Variants in GPC6 observed in about 807,000 individuals in gnomAD.
GPC6 encodes glypican 6, also known as glypican-6.
In GPC6, 14 loss-of-function variants were observed where a neutral mutation model predicts 55.2. That is an observed-to-expected ratio of 0.25 (90% confidence interval 0.17 to 0.40). The LOEUF (loss-of-function observed/expected upper bound fraction) is 0.40, where lower values mean the gene tolerates loss of function less well. Among genes scored for constraint, GPC6 ranks in the 10% least tolerant of loss-of-function variants. The pLI is 1.00. For synonymous variants in GPC6, 278 were observed against 259.6 expected (o/e 1.07, Z -0.68); for missense variants, 641 against 708.5 (o/e 0.90, Z 1.08).
intron 4 of GPC6, among the ~76,000 whole-genome samples, chr13:94,080,068 A>C (rs1363130702): frequency 6.6e-6 from 1 of 152,222 alleles, no homozygotes; most frequent in Non-Finnish European, 1.5e-5. Context: ...TAATGCAATT[A>C]TTTACAAGAA....
intron 1 of GPC6, among the ~76,000 whole-genome samples, chr13:93,358,945 A>G (rs1880947713): frequency 6.7e-6 from 1 of 149,948 alleles, no homozygotes; most frequent in South Asian, 2.1e-4. Context: ...TCAAATGCAG[A>G]TAGAAATGTA....
At chr13:93,744,611 A>G (rs1884330140) in intron 2 of GPC6, among the ~76,000 whole-genome samples, 1 of 137,800 alleles carries the variant, frequency 7.3e-6, no homozygotes, top group Non-Finnish European at 1.5e-5. Context: ...TTGTCACCTC[A>G]TCTGACATCA....
chr13:93,808,442 C>G (rs1886601308), intron 2 of GPC6, among the ~76,000 whole-genome samples: 1 of 152,132 alleles, frequency 6.6e-6, no homozygotes, highest in Non-Finnish European at 1.5e-5. Flanking sequence ...ATAATAACTC[C>G]TCTCTCTATA....
intron 4 of GPC6, among the ~76,000 whole-genome samples, chr13:94,283,479 C>G (rs1892445663): frequency 6.6e-6 from 1 of 152,338 alleles, no homozygotes; most frequent in East Asian, 1.9e-4. Flanking sequence ...AGTAGAGGGC[C>G]TTGGCCCAGA....
intron 2 of GPC6, among the ~76,000 whole-genome samples, chr13:93,649,319 G>C (rs1880307489): frequency 6.6e-6 from 1 of 152,078 alleles, no homozygotes; most frequent in South Asian, 2.1e-4. Context: ...TGGTCTGGTG[G>C]CTCACTCCTG....
intron 1 of GPC6, among the ~76,000 whole-genome samples, chr13:93,430,197 TC>T (rs1329078531): frequency 6.6e-6 from 1 of 152,160 alleles, no homozygotes; most frequent in Non-Finnish European, 1.5e-5. Flanking sequence ...GATTTTTTAG[TC>T]ATGTCATGTA....
intron 1 of GPC6, among the ~76,000 whole-genome samples, chr13:93,360,267 A>T (rs546174530): frequency 6.6e-6 from 1 of 152,280 alleles, no homozygotes; most frequent in Admixed American, 6.5e-5. Flanking sequence ...GGATTCAGAG[A>T]CCAGACTGAA....
chr13:93,965,132 T>C (rs951959973), intron 3 of GPC6, among the ~76,000 whole-genome samples: 1 of 100,860 alleles, frequency 9.9e-6, no homozygotes, highest in Non-Finnish European at 2.0e-5. Context: ...TTTTTTTTTT[T>C]AGCAAGGGAA....
intron 4 of GPC6, among the ~76,000 whole-genome samples, chr13:94,164,755 T>C (rs561850768): frequency 2.0e-5 from 3 of 152,180 alleles, no homozygotes; most frequent in African/African-American, 7.2e-5. Flanking sequence ...CTGCTACCTA[T>C]GGACAGGGCA....
intron 1 of GPC6, among the ~76,000 whole-genome samples, chr13:93,280,460 A>G (rs1298555288): frequency 6.6e-6 from 1 of 152,254 alleles, no homozygotes; most frequent in Non-Finnish European, 1.5e-5. Context: ...ATTACATGTC[A>G]TTCATACTTT....
At chr13:93,637,837 A>G (rs1260864078) in intron 2 of GPC6, among the ~76,000 whole-genome samples, 1 of 152,114 alleles carries the variant, frequency 6.6e-6, no homozygotes, top group Admixed American at 6.6e-5. Context: ...AAGGACAGAC[A>G]GTTTCTTGAA....
intron 3 of GPC6, among the ~76,000 whole-genome samples, chr13:93,859,573 A>C (rs1757143990): frequency 6.6e-6 from 1 of 151,730 alleles, no homozygotes; most frequent in Admixed American, 6.6e-5. Context: ...ATCTTGTAGT[A>C]GTTACCATTG....
chr13:94,376,781 A>C (rs1008089466), intron 6 of GPC6, among the ~76,000 whole-genome samples: 4 of 152,170 alleles, frequency 2.6e-5, no homozygotes, highest in African/African-American at 9.7e-5. Flanking sequence ...GAGACATCAC[A>C]CTACCTGACT....
At chr13:93,938,162 A>G (rs973935108) in intron 3 of GPC6, among the ~76,000 whole-genome samples, 9 of 152,318 alleles carry the variant, frequency 5.9e-5, no homozygotes, top group Non-Finnish European at 1.0e-4. Flanking sequence ...AAAAATTAGT[A>G]GCAAATATAG....
At chr13:94,387,730 T>TTCTCTCTCTCTCTCTCTCTCTCTC (rs3044333) in intron 7 of GPC6, among the ~76,000 whole-genome samples, 5 of 141,152 alleles carry the variant, frequency 3.5e-5, no homozygotes, top group Admixed American at 2.8e-4. Context: ...AGACATGAGT[T>TTCTCTCTCTCTCTCTCTCTCTCTC]TCTCTCTCTC....
intron 2 of GPC6, among the ~76,000 whole-genome samples, chr13:93,668,102 A>G (rs1221093524): frequency 6.6e-6 from 1 of 152,194 alleles, no homozygotes; most frequent in Non-Finnish European, 1.5e-5. Context: ...AAAATGAGAA[A>G]GCTCTGTGGC....
chr13:93,945,427 A>G (rs550739576), intron 3 of GPC6, among the ~76,000 whole-genome samples: 1 of 152,204 alleles, frequency 6.6e-6, no homozygotes, highest in African/African-American at 2.4e-5. Context: ...GGAGAGCTTT[A>G]TAATTAAAAA....
chr13:93,412,139 A>G (rs1204094258), intron 1 of GPC6, among the ~76,000 whole-genome samples: 1 of 152,194 alleles, frequency 6.6e-6, no homozygotes, highest in East Asian at 1.9e-4. Context: ...GAGTGAAGAT[A>G]TAAATAATAA....
chr13:93,401,553 A>G (rs949576623), intron 1 of GPC6, among the ~76,000 whole-genome samples: 1 of 151,572 alleles, frequency 6.6e-6, no homozygotes, highest in African/African-American at 2.4e-5. Flanking sequence ...ATTGTTTCAG[A>G]CACTAGGATC....
Sources: allele counts gnomAD v4.1 joint callset (sites outside exome capture counted in the v4.1 genomes callset), GRCh38; gene constraint gnomAD v4.1.1; transcripts MANE v1.5; gene names NCBI Gene and HGNC (gene_info 2026-07-23, HGNC 2026-07-21).